FBXO4: variants seen among roughly 807,000 people sequenced by gnomAD.
FBXO4 encodes F-box protein 4.
In FBXO4, 36 loss-of-function variants were observed where a neutral mutation model predicts 43.7. The observed-to-expected ratio is 0.82, with a 90% CI of 0.63 to 1.09. FBXO4 has a LOEUF of 1.09. Among genes scored for constraint, FBXO4 ranks in the 50% least tolerant of loss-of-function variants. The probability of loss-of-function intolerance (pLI) is 0.00; values close to 1 mark genes in which losing one functional copy is unlikely to be tolerated. For missense variants in FBXO4, 435 were observed against 474.1 expected (o/e 0.92, Z 0.77); for synonymous variants, 180 against 165.6 (o/e 1.09, Z -0.67).
chr5:41,943,643 A>C (rs750910918), downstream of FBXO4, among the ~76,000 whole-genome samples: 1 of 152,188 alleles, frequency 6.6e-6, no homozygotes, highest in Non-Finnish European at 1.5e-5. Context: ...TCATATAAAA[A>C]GTGTCACTGT....
chr5:42,032,912 G>C, the FBXO4 span, among the ~76,000 whole-genome samples: 21 of 152,110 alleles, frequency 1.4e-4, no homozygotes, highest in African/African-American at 4.8e-4. Flanking sequence ...TATCGCTGCT[G>C]GTTATTCAGT....
At chr5:41,927,279 A>G in intron 2 of FBXO4, 31 bp downstream of exon 2, 1 of 1,489,928 alleles carries the variant, frequency 6.7e-7, no homozygotes. Flanking sequence ...ATTAAAAAGA[A>G]GCTATTAAAT....
the FBXO4 span, among the ~76,000 whole-genome samples, chr5:41,996,933 A>G: frequency 4.6e-4 from 70 of 152,366 alleles, no homozygotes; most frequent in African/African-American, 1.7e-3. Flanking sequence ...ACTGGATCCA[A>G]TCAGCATAAC....
At chr5:42,038,356 G>A in the FBXO4 span, among the ~76,000 whole-genome samples, 4 of 152,074 alleles carry the variant, frequency 2.6e-5, no homozygotes, top group South Asian at 2.1e-4. Context: ...TTAAACGATT[G>A]TTTCCAATAA....
the FBXO4 span, among the ~76,000 whole-genome samples, chr5:41,999,555 A>ATACG: frequency 1.1e-3 from 139 of 122,158 alleles, no homozygotes; most frequent in African/African-American, 4.8e-3. Context: ...GTATATATAT[A>ATACG]TATATATGTA....
the FBXO4 span, among the ~76,000 whole-genome samples, chr5:42,009,570 A>G: frequency 5.9e-5 from 9 of 152,168 alleles, no homozygotes; most frequent in African/African-American, 2.2e-4. Context: ...TTATTTCAAA[A>G]TGATTTTTTA....
At chr5:41,958,892 C>T in the FBXO4 span, among the ~76,000 whole-genome samples, 1 of 152,156 alleles carries the variant, frequency 6.6e-6, no homozygotes, top group Non-Finnish European at 1.5e-5. Flanking sequence ...ATACTGATTT[C>T]ATATCCTTTG....
chr5:41,996,458 G>A, the FBXO4 span, among the ~76,000 whole-genome samples: 164 of 152,310 alleles, frequency 1.1e-3, 3 homozygotes, highest in Non-Finnish European at 5.3e-4. Context: ...CACCTATGGG[G>A]TCCTGCAAAG....
At chr5:41,992,413 T>C in the FBXO4 span, among the ~76,000 whole-genome samples, 1 of 152,200 alleles carries the variant, frequency 6.6e-6, no homozygotes, top group Non-Finnish European at 1.5e-5. Context: ...CTATTGGGAA[T>C]CTTCATGGAC....
At chr5:41,934,939 ATATTG>A in intron 5 of FBXO4, 1 of 965,594 alleles carries the variant, frequency 1.0e-6, no homozygotes, top group Non-Finnish European at 1.2e-6. Context: ...AATACATAAT[ATATTG>A]TATATATATT....
At chr5:41,957,585 A>T in the FBXO4 span, among the ~76,000 whole-genome samples, 2 of 151,178 alleles carry the variant, frequency 1.3e-5, no homozygotes, top group Non-Finnish European at 1.5e-5. Context: ...CATTTCTAGG[A>T]TCTTCATCTG....
chr5:41,944,618 A>T (rs1207753430), downstream of FBXO4, among the ~76,000 whole-genome samples: 2 of 152,210 alleles, frequency 1.3e-5, no homozygotes. Context: ...TTTTCCTTTT[A>T]CCAAATATTC....
At chr5:41,977,116 C>A in the FBXO4 span, among the ~76,000 whole-genome samples, 1 of 152,154 alleles carries the variant, frequency 6.6e-6, no homozygotes, top group Non-Finnish European at 1.5e-5. Flanking sequence ...TCTGGCCCCC[C>A]AAACCATTCT....
At chr5:41,945,969 C>T (rs928492600), downstream of FBXO4, among the ~76,000 whole-genome samples, 6 of 152,106 alleles carry the variant, frequency 3.9e-5, no homozygotes, top group African/African-American at 1.4e-4. Flanking sequence ...AATTCTTATC[C>T]CTGTATACTG....
At chr5:41,985,961 C>T in the FBXO4 span, among the ~76,000 whole-genome samples, 1 of 152,048 alleles carries the variant, frequency 6.6e-6, no homozygotes, top group Non-Finnish European at 1.5e-5. Flanking sequence ...CCATTTTATA[C>T]TCATTGATTT....
chr5:41,964,676 G>A, the FBXO4 span, among the ~76,000 whole-genome samples: 4 of 146,716 alleles, frequency 2.7e-5, no homozygotes, highest in African/African-American at 7.5e-5. Context: ...CTGCATAAAT[G>A]TCTTCTTTTG....
chr5:42,022,048 G>A, the FBXO4 span, among the ~76,000 whole-genome samples: 1 of 152,080 alleles, frequency 6.6e-6, no homozygotes, highest in African/African-American at 2.4e-5. Flanking sequence ...CTTTGGGTAC[G>A]TCATTCTGAA....
the FBXO4 span, among the ~76,000 whole-genome samples, chr5:41,999,465 G>GTGTA: frequency 1.5e-3 from 98 of 65,288 alleles, 4 homozygotes; most frequent in African/African-American, 5.3e-3. Flanking sequence ...GTGTGTGTGT[G>GTGTA]TATATATATA....
At chr5:41,965,458 T>C in the FBXO4 span, among the ~76,000 whole-genome samples, 1 of 152,224 alleles carries the variant, frequency 6.6e-6, no homozygotes, top group Non-Finnish European at 1.5e-5. Flanking sequence ...GCATTGAATC[T>C]ATAAATTACC....
Sources: allele counts gnomAD v4.1 joint callset (sites outside exome capture counted in the v4.1 genomes callset), GRCh38; gene constraint gnomAD v4.1.1; transcripts MANE v1.5; gene names NCBI Gene and HGNC (gene_info 2026-07-23, HGNC 2026-07-21).